Variants in KLHL18 observed in about 807,000 individuals in gnomAD.
KLHL18 encodes the protein kelch-like protein 18.
Under a neutral mutation model 58.5 loss-of-function variants are expected in KLHL18, and 38 were observed. That is an observed-to-expected ratio of 0.65 (90% CI 0.50 to 0.85). The LOEUF is 0.85. Ranked by LOEUF, KLHL18 falls within the 40% of genes least tolerant of loss-of-function variation. KLHL18 has a pLI of 0.00. For synonymous variants in KLHL18, 303 were observed against 301.9 expected (o/e 1.00, Z -0.04); for missense variants, 624 against 778.4 (o/e 0.80, Z 2.36).
At position 47,316,602 on chromosome 3, in the gene KLHL18, T is replaced by C. The variant is rs868296080; in HGVS notation, c.130-3051T>C. ...ATATATATACATATATACGTATATA[T>C]GTATATGTGTGTATATATACATATA... On this transcript the variant is annotated intron_variant, in intron 1 of 9. Coordinates refer to ENST00000232766, the MANE Select transcript of KLHL18 (RefSeq NM_025010.5). Among the ~76,000 whole-genome samples, 425 of 138,992 alleles carry C rather than the reference T, an allele frequency of 3.1e-3. 4 individuals are homozygous for C. Among genetic ancestry groups the C allele is most frequent in the African/African-American group, 0.011 (396 of 35,618 alleles). The allele number at this position is 138,992 out of a possible 152,430, so 91.2% of individuals were successfully genotyped here. A position where few individuals can be genotyped will look rare whatever the true frequency, so the allele number is the denominator to read the frequency against.
intron 1 of KLHL18, among the ~76,000 whole-genome samples, chr3:47,310,792 C>G (rs771033021): frequency 1.3e-5 from 2 of 152,192 alleles, no homozygotes; most frequent in Non-Finnish European, 2.9e-5. Context: ...CAGGTCACAG[C>G]AGTTCTAAGG....
In KLHL18 at chr3:47,307,833, A is replaced by G. The variant is rs565229291; in HGVS notation, c.130-11820A>G. On this transcript the variant is annotated intron_variant, in intron 1 of 9. Transcript: ENST00000232766. ...TCTTTTCCATATTATCTGCAATGCC[A>G]TTTCTGTCATTTATCAAGTTTACAT... Among the ~76,000 whole-genome samples the G allele has an allele frequency of 7.9e-5, 12 of 152,212 alleles. No individual in the cohort carries two copies. The East Asian group carries it at 2.1e-3, about 27-fold the overall frequency.
chr3:47,307,635 C>T (rs1178921861), intron 1 of KLHL18, among the ~76,000 whole-genome samples: 1 of 152,022 alleles, frequency 6.6e-6, no homozygotes, highest in African/African-American at 2.4e-5. Context: ...GGCAGTCCTC[C>T]CACCTCGGCC....
At position 47,340,677 on chromosome 3, in the gene KLHL18, G is replaced by A. The variant is rs1182471908; in HGVS notation, c.1226+1G>A. ...AGACCTACTCACCTGAGACGGACAAGTAAGGACTCCAGCTCCCTTGGGGCA... is the reference window on the plus strand; with the variant it reads ...AGACCTACTCACCTGAGACGGACAAATAAGGACTCCAGCTCCCTTGGGGCA... On this transcript the variant is annotated splice_donor_variant, in intron 8 of 9. Transcript: ENST00000232766. LOFTEE classifies it high-confidence loss of function. The A allele has an allele frequency of 1.2e-6, 2 of 1,614,006 alleles. No homozygotes were observed. The highest frequency in any genetic ancestry group is 3.3e-5 in the Admixed American group (2 of 60,004).
intron 1 of KLHL18, among the ~76,000 whole-genome samples, chr3:47,306,540 T>G (rs1703152032): frequency 6.6e-6 from 1 of 152,206 alleles, no homozygotes; most frequent in Non-Finnish European, 1.5e-5. Flanking sequence ...AGTGGTTATT[T>G]AGGTGGTTTT....
intron 4 of KLHL18, 76 bp downstream of exon 4, chr3:47,330,225 T>A: frequency 7.3e-7 from 1 of 1,370,686 alleles, no homozygotes; most frequent in Non-Finnish European, 1.0e-6. Flanking sequence ...GTTTATGTAT[T>A]TTTTTACAAA....
chr3:47,327,097 G>C (rs1227484616), intron 3 of KLHL18, among the ~76,000 whole-genome samples: 1 of 152,076 alleles, frequency 6.6e-6, no homozygotes, highest in Non-Finnish European at 1.5e-5. Context: ...AAATGAGCCG[G>C]CCGTGGTGGC....
At chr3:47,291,957 G>C (rs1302733583) in intron 1 of KLHL18, among the ~76,000 whole-genome samples, 2 of 152,218 alleles carry the variant, frequency 1.3e-5, no homozygotes, top group Non-Finnish European at 2.9e-5. Context: ...CTTAACTAAA[G>C]ACACCATGCT....
Position 47,334,104 on chromosome 3 carries a change from G to T in KLHL18, c.762-579G>T, listed in dbSNP as rs1703929529. Among the ~76,000 whole-genome samples the T allele has an allele frequency of 6.6e-6, 1 of 152,180 alleles. No homozygotes were observed. The highest frequency in any genetic ancestry group is 2.4e-5 in the African/African-American group (1 of 41,460). The stretch of plus-strand genomic sequence containing the variant: ...ATGGTGTGAAGGTGTGTGTCAGGAT[G>T]GGGTGGAGTAGTGTCTGGAGGTAGC... On this transcript the variant is annotated intron_variant, in intron 5 of 9. Coordinates refer to ENST00000232766, the MANE Select transcript of KLHL18 (RefSeq NM_025010.5). This position sits in a 1 kb window ranked among gnomAD's most constrained non-coding sequence, Gnocchi z 4.7.
intron 2 of KLHL18, among the ~76,000 whole-genome samples, chr3:47,321,963 G>A (rs960106669): frequency 1.3e-5 from 2 of 152,128 alleles, no homozygotes; most frequent in Non-Finnish European, 2.9e-5. Context: ...GTGGAGGTGA[G>A]GAGGATAGAT....
At chr3:47,299,478 G>A (rs1702966304) in intron 1 of KLHL18, among the ~76,000 whole-genome samples, 1 of 152,050 alleles carries the variant, frequency 6.6e-6, no homozygotes, top group Non-Finnish European at 1.5e-5. Context: ...GTCAGTGTAA[G>A]GCCTTAAAGA....
intron 3 of KLHL18, among the ~76,000 whole-genome samples, chr3:47,326,835 C>T (rs967012888): frequency 9.2e-5 from 14 of 151,750 alleles, no homozygotes; most frequent in African/African-American, 3.1e-4. Flanking sequence ...GCAGGAGAAT[C>T]GCTTGAACCT....
At chr3:47,316,499 A>G (rs1291811198) in intron 1 of KLHL18, among the ~76,000 whole-genome samples, 2 of 4,620 alleles carry the variant, frequency 4.3e-4, no homozygotes, top group African/African-American at 4.9e-4. Flanking sequence ...ATACATATAT[A>G]TGTATATATA....
chr3:47,300,838 C>T (rs934204173), intron 1 of KLHL18, among the ~76,000 whole-genome samples: 11 of 151,796 alleles, frequency 7.2e-5, no homozygotes, highest in African/African-American at 2.4e-4. Flanking sequence ...AGGGTTTCGC[C>T]ATGTTGGTCA....
chr3:47,327,570 T>A (rs1174494224), intron 3 of KLHL18, among the ~76,000 whole-genome samples: 1 of 152,252 alleles, frequency 6.6e-6, no homozygotes, highest in African/African-American at 2.4e-5. Flanking sequence ...CTATAAGTGC[T>A]TTAGGAGAAA....
Position 47,343,861 on chromosome 3 carries a change from G to A in KLHL18, c.1645G>A (p.Asp549Asn). The change falls in exon 10 of 10, where the codon GAC becomes AAC. Residue 549 changes from aspartate to asparagine, a missense_variant. Asp to Asn is a conservative substitution (Grantham distance 23). Coordinates refer to ENST00000232766, the MANE Select transcript of KLHL18 (RefSeq NM_025010.5). ...SSVEMYDPET[D>N]CWTFMAPMAC... ...AGTGGAGATGTATGACCCAGAGACA[G>A]ACTGCTGGACATTCATGGCCCCCAT... 1.2e-6 allele frequency: 2 copies of A among 1,614,220 alleles called. No individual in the cohort carries two copies. The highest frequency in any genetic ancestry group is 1.1e-5 in the South Asian group (1 of 91,088).
At chr3:47,313,654 T>G (rs993325774) in intron 1 of KLHL18, among the ~76,000 whole-genome samples, 13 of 152,234 alleles carry the variant, frequency 8.5e-5, no homozygotes, top group African/African-American at 3.1e-4. Flanking sequence ...AGTTTTACTT[T>G]TATTCATTCT....
chr3:47,332,311 C>T (rs1228595659), intron 4 of KLHL18, among the ~76,000 whole-genome samples: 5 of 151,518 alleles, frequency 3.3e-5, no homozygotes, highest in African/African-American at 7.3e-5. Flanking sequence ...GCTGAGATTG[C>T]GCCACTGCAC....
intron 1 of KLHL18, chr3:47,287,244 G>T (rs543753807): frequency 6.6e-6 from 1 of 152,112 alleles, no homozygotes; most frequent in Admixed American, 6.6e-5. Flanking sequence ...TTGATCATCA[G>T]TCCGAAAGGC....
Sources: allele counts gnomAD v4.1 joint callset (sites outside exome capture counted in the v4.1 genomes callset), GRCh38; gene constraint gnomAD v4.1.1; non-coding constraint Gnocchi (gnomAD v3.1); transcripts MANE v1.5; gene names NCBI Gene and HGNC (gene_info 2026-07-23, HGNC 2026-07-21).